FHIT: variants seen among roughly 807,000 people sequenced by gnomAD.
FHIT encodes the protein bis(5'-adenosyl)-triphosphatase.
FHIT carries 19 observed loss-of-function variants against 17.9 expected under a neutral mutation model. That is an observed-to-expected ratio of 1.06 (90% confidence interval 0.74 to 1.56). FHIT has a LOEUF of 1.56. Ranked by LOEUF, FHIT falls within the 40% of genes most tolerant of loss-of-function variation. FHIT has a pLI of 0.00. For missense variants in FHIT, 248 were observed against 189.2 expected (o/e 1.31, Z -1.82); for synonymous variants, 81 against 69.7 (o/e 1.16, Z -0.81).
intron 5 of FHIT, among the ~76,000 whole-genome samples, chr3:60,503,793 T>C: frequency 6.6e-6 from 1 of 152,172 alleles, no homozygotes; most frequent in East Asian, 1.9e-4. Context: ...TCTAAAACTG[T>C]TTTGGAGAAG....
chr3:60,051,063 C>T (rs917976192), intron 5 of FHIT, among the ~76,000 whole-genome samples: 3 of 152,084 alleles, frequency 2.0e-5, no homozygotes, highest in African/African-American at 7.2e-5. Flanking sequence ...AATTATAACA[C>T]GGGGCATCAA....
At chr3:60,443,483 G>A (rs1259542791) in intron 5 of FHIT, among the ~76,000 whole-genome samples, 1 of 152,122 alleles carries the variant, frequency 6.6e-6, no homozygotes, top group Non-Finnish European at 1.5e-5. Flanking sequence ...TTAGCATGAA[G>A]GGCTGTTGAA....
At chr3:59,895,364 T>C (rs908408798) in intron 8 of FHIT, among the ~76,000 whole-genome samples, 1 of 152,126 alleles carries the variant, frequency 6.6e-6, no homozygotes, top group South Asian at 2.1e-4. Flanking sequence ...TTTTGTGGAG[T>C]GAATGCACTA....
chr3:60,123,965 AAAATATATATATATATAT>A lies in FHIT; in HGVS notation c.104-109831_104-109814del, dbSNP rs147563583. On this transcript the variant is annotated intron_variant, in intron 5 of 9. Coordinates refer to ENST00000492590, the MANE Select transcript of FHIT (RefSeq NM_002012.4). ...CACTTCCATTAACAGAAATGCACTA[AAAATATATATATATATAT>A]ATATATATATATATATATATATATA... 2.2e-3 allele frequency among the ~76,000 whole-genome samples: 119 copies of A among 54,534 alleles called. 2 individuals are homozygous for A. Among genetic ancestry groups the A allele is most frequent in the African/African-American group, 5.1e-3 (60 of 11,794 alleles). The allele number at this position is 54,534 out of a possible 152,430, so 35.8% of individuals were successfully genotyped here. A position where few individuals can be genotyped will look rare whatever the true frequency, so the allele number is the denominator to read the frequency against.
In FHIT at chr3:59,772,974, C is replaced by G. The variant is rs368271856; in HGVS notation, c.349-20653G>C. ...CATTTGTAGGCTTTCCGGCTTGTGGCTTACCTGCCTGTGACCACAAAGCTC... is the reference window on the plus strand; with the variant it reads ...CATTTGTAGGCTTTCCGGCTTGTGGGTTACCTGCCTGTGACCACAAAGCTC... On this transcript the variant is annotated intron_variant, in intron 8 of 9. Transcript: ENST00000492590. Among the ~76,000 whole-genome samples, 224 of 152,352 alleles carry G rather than the reference C, an allele frequency of 1.5e-3. 3 individuals are homozygous for G. The highest frequency in any genetic ancestry group is 5.2e-3 in the African/African-American group (216 of 41,588).
At chr3:60,648,017 T>A (rs1553687232) in intron 4 of FHIT, among the ~76,000 whole-genome samples, 1 of 152,138 alleles carries the variant, frequency 6.6e-6, no homozygotes, top group South Asian at 2.1e-4. Context: ...CCTGATAATG[T>A]CTCAATATGC....
At chr3:60,976,849 A>G (rs1710276980) in intron 3 of FHIT, among the ~76,000 whole-genome samples, 1 of 151,380 alleles carries the variant, frequency 6.6e-6, no homozygotes, top group African/African-American at 2.4e-5. Context: ...CAGATCCACT[A>G]TTAACTGAAA....
intron 5 of FHIT, among the ~76,000 whole-genome samples, chr3:60,291,387 A>G (rs1576430089): frequency 6.6e-6 from 1 of 152,042 alleles, no homozygotes; most frequent in East Asian, 1.9e-4. Flanking sequence ...CTAATCTTTT[A>G]TTATGCTGTC....
At chr3:60,130,273 G>A (rs1699481313) in intron 5 of FHIT, among the ~76,000 whole-genome samples, 1 of 152,182 alleles carries the variant, frequency 6.6e-6, no homozygotes, top group Non-Finnish European at 1.5e-5. Flanking sequence ...ACAAGACTAT[G>A]TCTTGAAACC....
chr3:61,217,163 TA>T (rs986242882), intron 1 of FHIT, among the ~76,000 whole-genome samples: 1 of 151,854 alleles, frequency 6.6e-6, no homozygotes, highest in East Asian at 1.9e-4. Flanking sequence ...AATAAAAAAA[TA>T]AAAATAAAAG....
intron 5 of FHIT, among the ~76,000 whole-genome samples, chr3:60,048,795 C>T (rs17061932): frequency 0.016 from 2,475 of 152,256 alleles, 57 homozygotes; most frequent in South Asian, 0.071. Context: ...TGATGCCCTC[C>T]GATGACATTA....
chr3:60,549,170 C>T (rs543907189), intron 4 of FHIT, among the ~76,000 whole-genome samples: 2 of 152,154 alleles, frequency 1.3e-5, no homozygotes, highest in South Asian at 2.1e-4. Context: ...TAAGTTGCTT[C>T]GTATAATGCT....
intron 5 of FHIT, among the ~76,000 whole-genome samples, chr3:60,147,467 T>C (rs956540962): frequency 6.6e-6 from 1 of 152,150 alleles, no homozygotes; most frequent in African/African-American, 2.4e-5. Context: ...GCAGTGCCTT[T>C]GCGCTCCCAC....
chr3:59,791,189 G>C (rs537379031), intron 8 of FHIT, among the ~76,000 whole-genome samples: 1 of 152,238 alleles, frequency 6.6e-6, no homozygotes, highest in Admixed American at 6.5e-5. Context: ...CTTGGGATGG[G>C]TTCATAATCC....
At chr3:61,157,807 T>G (rs1355570909) in intron 2 of FHIT, among the ~76,000 whole-genome samples, 1 of 152,156 alleles carries the variant, frequency 6.6e-6, no homozygotes, top group Non-Finnish European at 1.5e-5. Flanking sequence ...ATTTAAAAAT[T>G]TAACTAAATG....
intron 9 of FHIT, chr3:59,751,920 G>C (rs80070094): frequency 1.1e-3 from 345 of 325,504 alleles, no homozygotes; most frequent in African/African-American, 6.6e-3. Context: ...CAGAAGGTCT[G>C]CTTTGTGAAC....
At chr3:60,663,224 T>C (rs2107829043) in intron 4 of FHIT, among the ~76,000 whole-genome samples, 1 of 143,616 alleles carries the variant, frequency 7.0e-6, no homozygotes, top group East Asian at 2.1e-4. Flanking sequence ...GTTTTAGCTA[T>C]TGTAGGTCCT....
At chr3:59,872,008 T>C (rs905570461) in intron 8 of FHIT, among the ~76,000 whole-genome samples, 2 of 152,158 alleles carry the variant, frequency 1.3e-5, no homozygotes, top group African/African-American at 4.8e-5. Context: ...TTTCCAAAGA[T>C]TAGATGTATC....
At chr3:60,254,451 A>G (rs976434005) in intron 5 of FHIT, among the ~76,000 whole-genome samples, 6 of 152,320 alleles carry the variant, frequency 3.9e-5, no homozygotes, top group Non-Finnish European at 8.8e-5. Context: ...CAGAGACAAG[A>G]AGGTGGTGGC....
Sources: allele counts gnomAD v4.1 joint callset (sites outside exome capture counted in the v4.1 genomes callset), GRCh38; gene constraint gnomAD v4.1.1; transcripts MANE v1.5; gene names NCBI Gene and HGNC (gene_info 2026-07-23, HGNC 2026-07-21).